FBN2: variants seen among roughly 807,000 people sequenced by gnomAD.
FBN2 encodes fibrillin-2.
Under a neutral mutation model 355.6 loss-of-function variants are expected in FBN2, and 105 were observed. The observed-to-expected ratio is 0.30, with a 90% CI of 0.25 to 0.35. FBN2 has a LOEUF of 0.35. FBN2 is among the 10% of genes least tolerant of loss of function. The pLI, the probability that FBN2 is intolerant of heterozygous loss-of-function variation, is 1.00. For missense variants in FBN2, 3,280 were observed against 3,758.7 expected, an observed-to-expected ratio of 0.87 and a Z score of 3.33; for synonymous variants, 1,350 against 1,301.2, an observed-to-expected ratio of 1.04 and a Z score of -0.81.
intron 6 of FBN2, among the ~76,000 whole-genome samples, chr5:128,459,746 T>G (rs1229427932): frequency 1.3e-5 from 2 of 152,172 alleles, no homozygotes; most frequent in African/African-American, 4.8e-5. Context: ...AGAAAATACT[T>G]TCTATAAAAG....
At chr5:128,506,039 AGAAACTTG>A (rs890651259) in intron 5 of FBN2, among the ~76,000 whole-genome samples, 29 of 152,228 alleles carry the variant, frequency 1.9e-4, no homozygotes, top group African/African-American at 6.8e-4. Flanking sequence ...TAACTTTTTA[AGAAACTTG>A]ACAGTTTTCA....
chr5:128,311,642 G>C (rs1750061020), intron 38 of FBN2, among the ~76,000 whole-genome samples: 1 of 152,190 alleles, frequency 6.6e-6, no homozygotes, highest in Non-Finnish European at 1.5e-5. Context: ...TTAAGTTGGA[G>C]ATTATTCAAG....
chr5:128,448,515 C>T (rs1198432651), intron 6 of FBN2, among the ~76,000 whole-genome samples: 3 of 151,992 alleles, frequency 2.0e-5, no homozygotes, highest in African/African-American at 7.3e-5. Flanking sequence ...CCATGTTGGT[C>T]AGGCTGGTCT....
chr5:128,296,305 G>T (rs1330474412), intron 48 of FBN2, among the ~76,000 whole-genome samples: 1 of 151,516 alleles, frequency 6.6e-6, no homozygotes, highest in African/African-American at 2.4e-5. Flanking sequence ...TCTCTTTTTT[G>T]GTTGTGTCTC....
At chr5:128,374,204 T>C (rs1752022519) in intron 15 of FBN2, among the ~76,000 whole-genome samples, 1 of 152,202 alleles carries the variant, frequency 6.6e-6, no homozygotes, top group East Asian at 1.9e-4. Context: ...AAAATAGCTT[T>C]GTTAATATAC....
At chr5:128,330,545 C>G in intron 33 of FBN2, 28 bp downstream of exon 33, 1 of 1,613,594 alleles carries the variant, frequency 6.2e-7, no homozygotes, top group African/African-American at 1.3e-5. Flanking sequence ...ACCATCCCGT[C>G]AGAGCACACC....
In FBN2 at chr5:128,374,745, C is replaced by T. The variant is rs1470331382; in HGVS notation, c.1978G>A (p.Asp660Asn). 6.2e-7 allele frequency: 1 copy of T among 1,613,846 alleles called. No homozygotes were observed. The highest frequency in any genetic ancestry group is 2.2e-5 in the East Asian group (1 of 44,866). Reference protein sequence around the residue: ...APNGRYCTDVDECQTPGICMN... With the variant: ...APNGRYCTDVNECQTPGICMN... The stretch of plus-strand genomic sequence containing the variant: ...CAGATTCCTGGGGTCTGGCATTCAT[C>T]AACATCTGTGCAGTGGGTGACAGAA... Residue 660 changes from aspartate to asparagine, a missense_variant, in exon 15 of 65, where the codon GAT becomes AAT. By Grantham distance (23) the Asp-to-Asn change is conservative (BLOSUM62 1). Transcript: ENST00000262464.
intron 6 of FBN2, among the ~76,000 whole-genome samples, chr5:128,450,972 T>TA (rs1209077619): frequency 6.6e-6 from 1 of 152,194 alleles, no homozygotes; most frequent in Non-Finnish European, 1.5e-5. Flanking sequence ...TCTGTCTTTT[T>TA]AGACTTTTAT....
At chr5:128,384,787 T>C (rs575485556) in intron 11 of FBN2, among the ~76,000 whole-genome samples, 2 of 151,980 alleles carry the variant, frequency 1.3e-5, no homozygotes, top group Non-Finnish European at 2.9e-5. Context: ...GAAATTATAG[T>C]TGGATTTTTT....
rs151290678 is a variant in FBN2 at position 128,261,665 on chromosome 5, C to T, written c.8364+71G>A. 1.3e-3 allele frequency: 1,893 copies of T among 1,421,350 alleles called. 9 individuals are homozygous for T. The highest frequency in any genetic ancestry group is 0.01 in the African/African-American group (738 of 71,246). 88.0% of individuals were successfully genotyped at this position (1,421,350 alleles called of 1,614,324 possible). A position where few individuals can be genotyped will look rare whatever the true frequency, so the allele number is the denominator to read the frequency against. ...TTAACTTCAGTGAGGCTGAAAACGA[C>T]GTGAACTGCACTGTATACATGACTC... On this transcript the variant is annotated intron_variant, in intron 64 of 64. Coordinates refer to ENST00000262464, the MANE Select transcript of FBN2 (RefSeq NM_001999.4).
intron 7 of FBN2, among the ~76,000 whole-genome samples, chr5:128,418,817 T>C (rs1009895337): frequency 6.6e-6 from 1 of 152,224 alleles, no homozygotes; most frequent in Admixed American, 6.5e-5. Context: ...TTCTATGTGC[T>C]GCTACGAAAA....
At chr5:128,362,684 G>A (rs537889179) in intron 18 of FBN2, among the ~76,000 whole-genome samples, 1 of 152,230 alleles carries the variant, frequency 6.6e-6, no homozygotes, top group East Asian at 1.9e-4. Flanking sequence ...AGGCTGTTCT[G>A]GAACTTCTGG....
At position 128,338,038 on chromosome 5, in the gene FBN2, G is replaced by A; in HGVS notation, c.3557C>T (p.Pro1186Leu). The A allele has an allele frequency of 6.2e-7, 1 of 1,614,072 alleles. No individual in the cohort carries two copies. Residue 1186 changes from proline (P) to leucine (L), a missense_variant, in exon 27 of 65, where the codon CCA becomes CTA. By Grantham distance (98) the Pro-to-Leu change is moderately conservative (BLOSUM62 -3). Coordinates refer to ENST00000262464, the MANE Select transcript of FBN2 (RefSeq NM_001999.4). ...GGATGGTGACAGCTCGTGTCCCAGT[G>A]GGCAGTCACACTGAAAGCTGCCCTC... ...NTEGSFQCDC[P>L]LGHELSPSRE...
At chr5:128,327,421 G>C (rs1025477532) in intron 34 of FBN2, among the ~76,000 whole-genome samples, 5 of 152,118 alleles carry the variant, frequency 3.3e-5, no homozygotes, top group Admixed American at 3.3e-4. Context: ...GGTTTTGTTT[G>C]GTTGATGCTG....
At chr5:128,479,974 CTCTATATATA>C (rs1297391399) in intron 5 of FBN2, among the ~76,000 whole-genome samples, 25 of 17,208 alleles carry the variant, frequency 1.5e-3, no homozygotes, top group Admixed American at 3.6e-3. Context: ...CTCTCTCTCT[CTCTATATATA>C]TATATATATA....
At chr5:128,328,956 A>T in intron 33 of FBN2, 135 bp from the exon 34 acceptor site, 1 of 881,076 alleles carries the variant, frequency 1.1e-6, no homozygotes. Flanking sequence ...AATCACATTC[A>T]CTTAAAGGAG....
chr5:128,430,960 T>C (rs1386089893), intron 7 of FBN2, among the ~76,000 whole-genome samples: 2 of 152,350 alleles, frequency 1.3e-5, no homozygotes, highest in South Asian at 2.1e-4. Context: ...TCATATCCCA[T>C]GTAGTGTACA....
At chr5:128,395,749 C>T (rs1752634237) in intron 8 of FBN2, among the ~76,000 whole-genome samples, 1 of 152,164 alleles carries the variant, frequency 6.6e-6, no homozygotes, top group African/African-American at 2.4e-5. Context: ...AGAGAATGTG[C>T]TTCATGTGTG....
chr5:128,513,232 C>G (rs1303524950), intron 5 of FBN2, among the ~76,000 whole-genome samples: 1 of 152,170 alleles, frequency 6.6e-6, no homozygotes, highest in Non-Finnish European at 1.5e-5. Context: ...GAATTTGTAA[C>G]TTTTGAAATA....
Sources: allele counts gnomAD v4.1 joint callset (sites outside exome capture counted in the v4.1 genomes callset), GRCh38; gene constraint gnomAD v4.1.1; transcripts MANE v1.5; gene names NCBI Gene and HGNC (gene_info 2026-07-23, HGNC 2026-07-21).